Variants in PGBD2 observed in about 807,000 individuals in gnomAD.
The protein encoded by PGBD2 is piggyBac transposable element-derived protein 2.
Under a neutral mutation model 8.1 loss-of-function variants are expected in PGBD2, and 6 were observed. The observed-to-expected ratio is 0.74, with a 90% CI of 0.40 to 1.46. The LOEUF (loss-of-function observed/expected upper bound fraction) is 1.46. Among genes scored for constraint, PGBD2 ranks in the 40% most tolerant of loss-of-function variants. The probability of loss-of-function intolerance (pLI) is 0.02; values close to 1 mark genes in which losing one functional copy is unlikely to be tolerated. For missense variants in PGBD2, 802 were observed against 739.0 expected, an observed-to-expected ratio of 1.09 and a Z score of -0.99; for synonymous variants, 318 against 272.2, an observed-to-expected ratio of 1.17 and a Z score of -1.66.
intron 1 of PGBD2, among the ~76,000 whole-genome samples, chr1:248,909,331 T>G (rs79983882): frequency 0.02 from 3,111 of 152,290 alleles, 116 homozygotes; most frequent in African/African-American, 0.072. Context: ...GTCCACTGTA[T>G]TAGATTCTTC....
chr1:248,894,967 G>A, the PGBD2 span, among the ~76,000 whole-genome samples: 1 of 151,852 alleles, frequency 6.6e-6, no homozygotes, highest in Non-Finnish European at 1.5e-5. Flanking sequence ...TGGCTATTTT[G>A]TTGTTGTTGT....
intron 2 of PGBD2, among the ~76,000 whole-genome samples, chr1:248,915,847 T>C (rs1427762275): frequency 2.0e-5 from 3 of 152,206 alleles, no homozygotes; most frequent in Non-Finnish European, 2.9e-5. Flanking sequence ...TGAGGGAAAC[T>C]TCTATTTGTC....
chr1:248,920,696 C>A (rs1230142859), downstream of PGBD2, among the ~76,000 whole-genome samples: 2 of 152,142 alleles, frequency 1.3e-5, no homozygotes, highest in Non-Finnish European at 1.5e-5. Context: ...ATTTCTAGTT[C>A]TAGATTCTTA....
chr1:248,927,759 C>G, the PGBD2 span, among the ~76,000 whole-genome samples: 2 of 152,138 alleles, frequency 1.3e-5, no homozygotes, highest in East Asian at 1.9e-4. Flanking sequence ...TGAACATACA[C>G]TGGAATTCTA....
At position 248,917,944 on chromosome 1, in the gene PGBD2, A is replaced by G; in HGVS notation, c.1360A>G (p.Lys454Glu). The G allele has an allele frequency of 6.2e-7, 1 of 1,614,228 alleles. No homozygotes were observed. The highest frequency in any genetic ancestry group is 8.5e-7 in the Non-Finnish European group (1 of 1,180,034). Reference sequence around the variant, plus strand: ...TCAGGTCCACCAGCCATCACTGGTGAAGCTGTATCAGGAGAAGGTGGGTGG... The same window carrying G: ...TCAGGTCCACCAGCCATCACTGGTGGAGCTGTATCAGGAGAAGGTGGGTGG... ...RTQVHQPSLV[K>E]LYQEKVGGVG... The change falls in exon 3 of 3, where the codon AAG (lysine) becomes GAG (glutamate). Residue 454 changes from lysine (K) to glutamate (E), a missense_variant. Coordinates refer to ENST00000329291, the MANE Select transcript of PGBD2 (RefSeq NM_170725.3).
the PGBD2 span, among the ~76,000 whole-genome samples, chr1:248,877,672 A>G: frequency 6.6e-6 from 1 of 152,186 alleles, no homozygotes; most frequent in Admixed American, 6.5e-5. Flanking sequence ...ACTTGGAAAT[A>G]GTTCTCTCTG....
At chr1:248,919,239 C>G (rs2103119976), downstream of PGBD2, 1 of 167,158 alleles carries the variant, frequency 6.0e-6, no homozygotes, top group East Asian at 1.9e-4. Flanking sequence ...CACCCCCTAA[C>G]TACCCTTTCC....
the PGBD2 span, among the ~76,000 whole-genome samples, chr1:248,879,682 G>A: frequency 3.3e-5 from 5 of 152,178 alleles, no homozygotes; most frequent in Admixed American, 1.3e-4. Context: ...TTACAGGCAT[G>A]AGCCACTGTG....
At chr1:248,877,887 G>A in the PGBD2 span, among the ~76,000 whole-genome samples, 1 of 152,188 alleles carries the variant, frequency 6.6e-6, no homozygotes, top group African/African-American at 2.4e-5. Context: ...GGGGTTAGTG[G>A]CAAGTAAAAT....
the PGBD2 span, among the ~76,000 whole-genome samples, chr1:248,890,232 C>T: frequency 1.3e-5 from 2 of 152,058 alleles, no homozygotes; most frequent in Non-Finnish European, 2.9e-5. Flanking sequence ...GGCCTGAATC[C>T]TTAAAAACTC....
chr1:248,917,967 T>C lies in PGBD2; in HGVS notation c.1383T>C (p.Gly461=), dbSNP rs1283034866. 6.2e-7 allele frequency: 1 copy of C among 1,614,154 alleles called. No homozygotes were observed. Residue 461 remains glycine (G), a synonymous_variant, in exon 3 of 3, where the codon GGT becomes GGC. Transcript: ENST00000329291. Reference sequence around the variant, plus strand: ...TGAAGCTGTATCAGGAGAAGGTGGGTGGCGTTGGTAGGATGGATCAGAATA... The same window carrying C: ...TGAAGCTGTATCAGGAGAAGGTGGGCGGCGTTGGTAGGATGGATCAGAATA... ...SLVKLYQEKV[G]GVGRMDQNIA...
At position 248,916,875 on chromosome 1, in the gene PGBD2, A is replaced by T. The variant is rs1330007999; in HGVS notation, c.291A>T (p.Pro97=). The part of the protein sequence containing the change: ...GEDNDDLELQ[P]AKKRQKAVVK... ...ATAATGACGACCTGGAGCTGCAGCC[A>T]GCCAAGAAGAGGCAGAAAGCAGTTG... Residue 97 remains proline (P), a synonymous_variant, in exon 3 of 3, where the codon CCA becomes CCT. Coordinates refer to ENST00000329291, the MANE Select transcript of PGBD2 (RefSeq NM_170725.3). 1 of 1,614,144 alleles carries T rather than the reference A, an allele frequency of 6.2e-7. No individual in the cohort carries two copies. The highest frequency in any genetic ancestry group is 1.1e-5 in the South Asian group (1 of 91,084).
the PGBD2 span, among the ~76,000 whole-genome samples, chr1:248,925,819 G>T: frequency 3.3e-5 from 5 of 152,192 alleles, no homozygotes; most frequent in African/African-American, 1.2e-4. Context: ...ATTGCCAGCG[G>T]GGGAGTTCCA....
chr1:248,901,394 C>T (rs1366116908), upstream of PGBD2, among the ~76,000 whole-genome samples: 5 of 152,078 alleles, frequency 3.3e-5, no homozygotes, highest in African/African-American at 7.2e-5. Context: ...AAAAATGACA[C>T]ATAGATCAAT....
the PGBD2 span, among the ~76,000 whole-genome samples, chr1:248,892,156 G>A: frequency 6.6e-6 from 1 of 152,152 alleles, no homozygotes; most frequent in African/African-American, 2.4e-5. Context: ...GCATGGGGAA[G>A]TTTAACAGAC....
chr1:248,893,850 C>G, the PGBD2 span, among the ~76,000 whole-genome samples: 1 of 152,170 alleles, frequency 6.6e-6, no homozygotes, highest in Non-Finnish European at 1.5e-5. Flanking sequence ...TAATTCACAT[C>G]TCCACCAACA....
upstream of PGBD2, among the ~76,000 whole-genome samples, chr1:248,904,599 C>G (rs1351638623): frequency 6.6e-6 from 1 of 152,214 alleles, no homozygotes; most frequent in Non-Finnish European, 1.5e-5. Flanking sequence ...ATTTCTTTGA[C>G]TTTCTTTTGT....
the PGBD2 span, among the ~76,000 whole-genome samples, chr1:248,929,657 T>G: frequency 6.6e-6 from 1 of 152,174 alleles, no homozygotes; most frequent in Non-Finnish European, 1.5e-5. Context: ...TGCTGTGAGC[T>G]CAGACACCAT....
chr1:248,873,602 C>T, the PGBD2 span, among the ~76,000 whole-genome samples: 1 of 152,184 alleles, frequency 6.6e-6, no homozygotes, highest in African/African-American at 2.4e-5. Context: ...CCTGCGTTTG[C>T]GGGGCCAGGC....
Sources: allele counts gnomAD v4.1 joint callset (sites outside exome capture counted in the v4.1 genomes callset), GRCh38; gene constraint gnomAD v4.1.1; transcripts MANE v1.5; gene names NCBI Gene and HGNC (gene_info 2026-07-23, HGNC 2026-07-21).